The following SERTM2 variants were observed in gnomAD, a reference collection of about 807,000 sequenced individuals.
SERTM2 encodes the protein serine rich and transmembrane domain containing 2, also known as serine-rich and transmembrane domain-containing protein 2.
At position 111,520,038 on chromosome X, in the gene SERTM2, A is replaced by G. The variant is rs1428423578; in HGVS notation, c.*908A>G. 1 of 111,447 alleles carries G rather than the reference A, an allele frequency of 9.0e-6. No homozygotes were observed. The highest frequency in any genetic ancestry group is 1.9e-5 in the Non-Finnish European group (1 of 53,060). 9.2% of individuals were successfully genotyped at this position (111,447 alleles called of 1,213,427 possible). ...ATTAGAGAGCTATTTAGTCATCACT[A>G]TACTCTTTAGATCTGAGCATAAAAA... On this transcript the variant is annotated 3_prime_UTR_variant, in exon 3 of 3. Transcript: ENST00000569275.
rs1165216588 is a variant in SERTM2, at chrX:111,521,628, T to C, written c.*2498T>C. ...AACCAGACGGCACAATTTGAATTTA[T>C]CCTTCTATTCGAAATGCTGACTTGG... On this transcript the variant is annotated 3_prime_UTR_variant, in exon 3 of 3. Coordinates refer to ENST00000569275, the MANE Select transcript of SERTM2 (RefSeq NM_001354473.2). The C allele has an allele frequency of 1.8e-5, 2 of 111,392 alleles. No homozygotes were observed. Among genetic ancestry groups the C allele is most frequent in the Admixed American group, 9.6e-5 (1 of 10,408 alleles). 9.2% of individuals were successfully genotyped at this position (111,392 alleles called of 1,213,427 possible).
In SERTM2 at chrX:111,518,875, T is replaced by C. The variant is rs1930363538; in HGVS notation, c.18T>C (p.Phe6=). Residue 6 remains phenylalanine (F), a synonymous_variant, in exon 3 of 3, where the codon TTT becomes TTC. Transcript: ENST00000569275. ...CTTGAGTGATGATGGAGGCGCATTT[T>C]AAATACCATGGAAATCTCACTGGGC... MMEAH[F]KYHGNLTGRA... is the part of the protein sequence containing the mutation. 1 of 297,652 alleles carries C rather than the reference T, an allele frequency of 3.4e-6. No individual in the cohort carries two copies. The highest frequency in any genetic ancestry group is 5.9e-6 in the Non-Finnish European group (1 of 170,162). 24.5% of individuals were successfully genotyped at this position (297,652 alleles called of 1,213,427 possible). A position where few individuals can be genotyped will look rare whatever the true frequency, so the allele number is the denominator to read the frequency against.
rs1930396244 is a variant in SERTM2, at chrX:111,520,634, G to A, written c.*1504G>A. On this transcript the variant is annotated 3_prime_UTR_variant, in exon 3 of 3. Coordinates refer to ENST00000569275, the MANE Select transcript of SERTM2 (RefSeq NM_001354473.2). ...TAGATTGGTAGTGAAATTCCCAAGT[G>A]CTTTCCACTTTTATACACAGTCATT... The A allele has an allele frequency of 9.0e-6, 1 of 111,382 alleles. No individual in the cohort carries two copies. Among genetic ancestry groups the A allele is most frequent in the African/African-American group, 3.3e-5 (1 of 30,612 alleles). The allele number at this position is 111,382 out of a possible 1,213,427, so 9.2% of individuals were successfully genotyped here.
chrX:111,517,605 T>C (rs1371941317), intron 2 of SERTM2, among the ~76,000 whole-genome samples: 2 of 111,003 alleles, frequency 1.8e-5, no homozygotes, highest in Non-Finnish European at 3.8e-5. Flanking sequence ...GGTCAACTAT[T>C]TACTGCTGAA....
intron 2 of SERTM2, among the ~76,000 whole-genome samples, chrX:111,513,757 T>C (rs1930265777): frequency 8.9e-6 from 1 of 111,824 alleles, no homozygotes; most frequent in Non-Finnish European, 1.9e-5. Flanking sequence ...TCCCGAAGAC[T>C]GTAGAGGCTT....
intron 2 of SERTM2, among the ~76,000 whole-genome samples, chrX:111,513,227 A>G (rs1385037124): frequency 9.3e-6 from 1 of 107,096 alleles, no homozygotes; most frequent in Non-Finnish European, 1.9e-5. Context: ...CTCATTTCTC[A>G]CATTTCTTTC....
intron 2 of SERTM2, among the ~76,000 whole-genome samples, chrX:111,517,832 T>C (rs1026273553): frequency 7.2e-5 from 8 of 110,916 alleles, no homozygotes; most frequent in East Asian, 2.8e-4. Context: ...GTAAATCTTA[T>C]GATCAGTTGG....
At chrX:111,517,848 A>G (rs1930343464) in intron 2 of SERTM2, among the ~76,000 whole-genome samples, 2 of 110,918 alleles carry the variant, frequency 1.8e-5, no homozygotes, top group South Asian at 7.6e-4. Flanking sequence ...GTTGGTTTAG[A>G]AAACGTTGTT....
Position 111,521,301 on chromosome X carries a change from A to G in SERTM2, c.*2171A>G, listed in dbSNP as rs753360794. The stretch of plus-strand genomic sequence containing the variant: ...AGGTTACTCACATGGAAAACTATCA[A>G]CCTCTTTCATCACAACTACCCCATG... On this transcript the variant is annotated 3_prime_UTR_variant, in exon 3 of 3. Transcript: ENST00000569275. The G allele has an allele frequency of 1.8e-5, 2 of 110,845 alleles. No homozygotes were observed. The highest frequency in any genetic ancestry group is 3.3e-5 in the African/African-American group (1 of 30,450). The allele number at this position is 110,845 out of a possible 1,213,427, so 9.1% of individuals were successfully genotyped here. A position where few individuals can be genotyped will look rare whatever the true frequency, so the allele number is the denominator to read the frequency against.
rs1383028730 is a variant in SERTM2, at chrX:111,520,393, T to C, written c.*1263T>C. 9.0e-6 allele frequency: 1 copy of C among 111,572 alleles called. No homozygotes were observed. The highest frequency in any genetic ancestry group is 1.9e-5 in the Non-Finnish European group (1 of 53,119). The allele number at this position is 111,572 out of a possible 1,213,427, so 9.2% of individuals were successfully genotyped here. ...CATATTCTTGCCACCAAAGGACGAG[T>C]ACACCTGTGTTAAATTTTACTTGCT... On this transcript the variant is annotated 3_prime_UTR_variant, in exon 3 of 3. Coordinates refer to ENST00000569275, the MANE Select transcript of SERTM2 (RefSeq NM_001354473.2).
chrX:111,512,207 C>A, intron 2 of SERTM2, 113 bp downstream of exon 2: 1 of 284,035 alleles, frequency 3.5e-6, no homozygotes, highest in East Asian at 4.9e-5. Context: ...GATACAGCAA[C>A]TCCTACTTGA....
Position 111,519,024 on chromosome X carries a change from T to C in SERTM2, c.167T>C (p.Met56Thr), listed in dbSNP as rs928803587. The C allele has an allele frequency of 6.7e-6, 2 of 297,401 alleles. No homozygotes were observed. Among genetic ancestry groups the C allele is most frequent in the Non-Finnish European group, 1.2e-5 (2 of 170,117 alleles). 24.5% of individuals were successfully genotyped at this position (297,401 alleles called of 1,213,427 possible). A position where few individuals can be genotyped will look rare whatever the true frequency, so the allele number is the denominator to read the frequency against. The change falls in exon 3 of 3, where the codon ATG becomes ACG. Residue 56 changes from methionine (M) to threonine (T), a missense_variant. Transcript: ENST00000569275. ...ATTCTCCTCATCCTGCTCTTCACAA[T>C]GCTCCTTCGGCTCAAACATGTCATC... The part of the protein sequence containing the change: ...LAILLILLFT[M>T]LLRLKHVISP...
rs969050958 is a variant in SERTM2 at position 111,519,961 on chromosome X, T to C, written c.*831T>C. ...GGTATTCTGTTGTTGAATATGGCTTTGGACAAAACATTCAAGCCTTCTGAG... is the reference window on the plus strand; with the variant it reads ...GGTATTCTGTTGTTGAATATGGCTTCGGACAAAACATTCAAGCCTTCTGAG... On this transcript the variant is annotated 3_prime_UTR_variant, in exon 3 of 3. Transcript: ENST00000569275. 9.0e-6 allele frequency: 1 copy of C among 111,620 alleles called. No homozygotes were observed. Among genetic ancestry groups the C allele is most frequent in the African/African-American group, 3.3e-5 (1 of 30,706 alleles). 9.2% of individuals were successfully genotyped at this position (111,620 alleles called of 1,213,427 possible).
Position 111,519,349 on chromosome X carries a change from A to G in SERTM2, c.*219A>G. 4.2e-6 allele frequency: 1 copy of G among 238,675 alleles called. No homozygotes were observed. The highest frequency in any genetic ancestry group is 7.5e-6 in the Non-Finnish European group (1 of 132,827). 19.7% of individuals were successfully genotyped at this position (238,675 alleles called of 1,213,427 possible). On this transcript the variant is annotated 3_prime_UTR_variant, in exon 3 of 3. Transcript: ENST00000569275. ...ACTCACTCTGAAAGGAATATAGGAA[A>G]AGACAGCTGGTTGGGAGGGCTGGTT...
At position 111,520,300 on chromosome X, in the gene SERTM2, A is replaced by G. The variant is rs1168540224; in HGVS notation, c.*1170A>G. The stretch of plus-strand genomic sequence containing the variant: ...AGTGTGGAGAGAATTTAATTTTTAA[A>G]ACTAACTTTTCAAAGGGAAACCAAA... On this transcript the variant is annotated 3_prime_UTR_variant, in exon 3 of 3. Transcript: ENST00000569275. The G allele has an allele frequency of 1.8e-5, 2 of 112,017 alleles. No individual in the cohort carries two copies. Among genetic ancestry groups the G allele is most frequent in the Non-Finnish European group, 3.8e-5 (2 of 53,227 alleles). The allele number at this position is 112,017 out of a possible 1,213,427, so 9.2% of individuals were successfully genotyped here. A position where few individuals can be genotyped will look rare whatever the true frequency, so the allele number is the denominator to read the frequency against.
At chrX:111,514,689 G>C (rs1373201631) in intron 2 of SERTM2, among the ~76,000 whole-genome samples, 2 of 111,572 alleles carry the variant, frequency 1.8e-5, no homozygotes, top group Admixed American at 1.9e-4. Context: ...TCAAGCTAAG[G>C]AGAATGGAGT....
chrX:111,517,267 A>G (rs1930330189), intron 2 of SERTM2, among the ~76,000 whole-genome samples: 1 of 111,595 alleles, frequency 9.0e-6, no homozygotes, highest in East Asian at 2.8e-4. Flanking sequence ...GATTCATTAA[A>G]GTAACAATTG....
rs187325133 is a variant in SERTM2, at chrX:111,522,192, T to A, written c.*3062T>A. 15 of 112,079 alleles carry A rather than the reference T, an allele frequency of 1.3e-4. No homozygotes were observed. The East Asian group carries it at 3.6e-3, about 27-fold the overall frequency. 9.2% of individuals were successfully genotyped at this position (112,079 alleles called of 1,213,427 possible). A position where few individuals can be genotyped will look rare whatever the true frequency, so the allele number is the denominator to read the frequency against. ...ACATTTCAATGGTTATATTTAGTAA[T>A]ACATTTTATTCACTTGCATTTGTAC... On this transcript the variant is annotated 3_prime_UTR_variant, in exon 3 of 3. Coordinates refer to ENST00000569275, the MANE Select transcript of SERTM2 (RefSeq NM_001354473.2).
rs1280481686 is a variant in SERTM2 at position 111,519,074 on chromosome X, G to C, written c.217G>C (p.Glu73Gln). 7 of 295,382 alleles carry C rather than the reference G, an allele frequency of 2.4e-5. No individual in the cohort carries two copies. The highest frequency in any genetic ancestry group is 3.5e-5 in the Non-Finnish European group (6 of 169,777). The allele number at this position is 295,382 out of a possible 1,213,427, so 24.3% of individuals were successfully genotyped here. A position where few individuals can be genotyped will look rare whatever the true frequency, so the allele number is the denominator to read the frequency against. The change falls in exon 3 of 3, where the codon GAA (glutamate) becomes CAA (glutamine). Residue 73 changes from glutamate to glutamine, a missense_variant. By Grantham distance (29) the Glu-to-Gln change is conservative. Coordinates refer to ENST00000569275, the MANE Select transcript of SERTM2 (RefSeq NM_001354473.2). ...VISPINSDSTESVPQFTDVEM... is the reference protein window; with the variant it reads ...VISPINSDSTQSVPQFTDVEM... ...CTCGCCCATCAACTCTGACAGCACAGAAAGTGTTCCTCAGTTCACAGATGT... is the reference window on the plus strand; with the variant it reads ...CTCGCCCATCAACTCTGACAGCACACAAAGTGTTCCTCAGTTCACAGATGT...
Sources: allele counts gnomAD v4.1 joint callset (sites outside exome capture counted in the v4.1 genomes callset), GRCh38; gene constraint gnomAD v4.1.1; transcripts MANE v1.5; gene names NCBI Gene and HGNC (gene_info 2026-07-23, HGNC 2026-07-21).